Variants in ASAP1 observed in about 807,000 individuals in gnomAD.
The protein encoded by ASAP1 is ArfGAP with SH3 domain, ankyrin repeat and PH domain 1, also known as arf-GAP with SH3 domain, ANK repeat and PH domain-containing protein 1.
In ASAP1, 43 loss-of-function variants were observed where a neutral mutation model predicts 145.2. The ratio of observed to expected loss-of-function variants is 0.30; its 90% CI spans 0.23 to 0.38. The LOEUF is 0.38. Ranked by LOEUF, ASAP1 falls within the 10% of genes least tolerant of loss-of-function variation. The pLI is 1.00. For synonymous variants in ASAP1, 546 were observed against 515.5 expected (o/e 1.06, Z -0.80); for missense variants, 1,018 against 1,355.3 (o/e 0.75, Z 3.91).
intron 25 of ASAP1, chr8:130,083,186 G>A (rs1043517477): frequency 6.6e-6 from 1 of 152,118 alleles, no homozygotes; most frequent in Non-Finnish European, 1.5e-5. Flanking sequence ...ATACCCACAG[G>A]CCCAAATGTC....
intron 3 of ASAP1, among the ~76,000 whole-genome samples, chr8:130,320,100 A>C (rs1364040810): frequency 6.6e-6 from 1 of 152,198 alleles, no homozygotes; most frequent in African/African-American, 2.4e-5. Flanking sequence ...ATTACTTACA[A>C]TGTTCTTTAA....
At chr8:130,215,970 A>G (rs893701168) in intron 4 of ASAP1, among the ~76,000 whole-genome samples, 1 of 121,568 alleles carries the variant, frequency 8.2e-6, no homozygotes, top group African/African-American at 3.6e-5. Context: ...AGAAAAAGAA[A>G]AAGAAAAAGG....
At chr8:130,061,442 A>G (rs1043831638) in intron 27 of ASAP1, among the ~76,000 whole-genome samples, 5 of 152,208 alleles carry the variant, frequency 3.3e-5, no homozygotes, top group Non-Finnish European at 7.3e-5. Context: ...TATATTTTCT[A>G]TAGATATAAC....
intron 3 of ASAP1, among the ~76,000 whole-genome samples, chr8:130,353,372 T>A (rs1333436474): frequency 6.6e-6 from 1 of 152,208 alleles, no homozygotes; most frequent in Non-Finnish European, 1.5e-5. Context: ...GAAAAAATAG[T>A]ATATTTAAGT....
intron 12 of ASAP1, among the ~76,000 whole-genome samples, chr8:130,156,565 C>T (rs878936725): frequency 1.9e-4 from 29 of 152,156 alleles, no homozygotes; most frequent in Admixed American, 1.7e-3. Flanking sequence ...AACAAAAGAA[C>T]GAAGAAGTCA....
At chr8:130,301,753 A>T (rs1822680803) in intron 3 of ASAP1, among the ~76,000 whole-genome samples, 1 of 152,222 alleles carries the variant, frequency 6.6e-6, no homozygotes, top group Non-Finnish European at 1.5e-5. Flanking sequence ...GCTGTTTTCC[A>T]GTTAATACAA....
At chr8:130,219,903 A>G (rs1255580147) in intron 4 of ASAP1, among the ~76,000 whole-genome samples, 1 of 152,064 alleles carries the variant, frequency 6.6e-6, no homozygotes, top group Non-Finnish European at 1.5e-5. Context: ...AATCCTCCCA[A>G]CTCAGCCTCT....
intron 11 of ASAP1, chr8:130,160,189 T>C (rs755955257): frequency 5.8e-6 from 3 of 514,398 alleles, no homozygotes; most frequent in African/African-American, 1.9e-5. Context: ...GGGTCTCTGA[T>C]TTCTAGTTCA....
At chr8:130,376,768 T>C (rs1208948947) in intron 2 of ASAP1, among the ~76,000 whole-genome samples, 1 of 151,572 alleles carries the variant, frequency 6.6e-6, no homozygotes, top group African/African-American at 2.4e-5. Context: ...CTGGGTGTGG[T>C]GGCAGGCGCT....
At chr8:130,320,411 C>T (rs1256003916) in intron 3 of ASAP1, among the ~76,000 whole-genome samples, 1 of 152,024 alleles carries the variant, frequency 6.6e-6, no homozygotes, top group African/African-American at 2.4e-5. Flanking sequence ...CAAAAATTAG[C>T]TGGTGTGGTG....
At chr8:130,093,366 G>A (rs993422118) in intron 24 of ASAP1, among the ~76,000 whole-genome samples, 19 of 151,882 alleles carry the variant, frequency 1.3e-4, no homozygotes, top group Non-Finnish European at 4.4e-5. Flanking sequence ...TTCTGTAAAC[G>A]TTAAGAAAAA....
At chr8:130,346,931 C>T (rs889012612) in intron 3 of ASAP1, among the ~76,000 whole-genome samples, 1 of 152,108 alleles carries the variant, frequency 6.6e-6, no homozygotes, top group African/African-American at 2.4e-5. Context: ...ATGATTAATG[C>T]AACATAAAGG....
intron 3 of ASAP1, among the ~76,000 whole-genome samples, chr8:130,282,141 A>G (rs1229651568): frequency 6.6e-6 from 1 of 151,992 alleles, no homozygotes; most frequent in East Asian, 1.9e-4. Context: ...TATATGTTCT[A>G]CATTTTGCAG....
chr8:130,157,057 G>GT (rs1215535282), intron 12 of ASAP1, among the ~76,000 whole-genome samples: 1 of 152,130 alleles, frequency 6.6e-6, no homozygotes, highest in Non-Finnish European at 1.5e-5. Context: ...TTAACTTTTC[G>GT]TTTGATGACA....
chr8:130,080,901 G>T (rs1370735222), intron 25 of ASAP1, among the ~76,000 whole-genome samples: 1 of 152,130 alleles, frequency 6.6e-6, no homozygotes, highest in African/African-American at 2.4e-5. Flanking sequence ...CCAAAGTGCT[G>T]GGATTACAGG....
chr8:130,286,000 A>G (rs1467768921), intron 3 of ASAP1, among the ~76,000 whole-genome samples: 1 of 152,224 alleles, frequency 6.6e-6, no homozygotes, highest in Non-Finnish European at 1.5e-5. Flanking sequence ...TATATCTATT[A>G]TTTTTAGCCA....
At chr8:130,196,922 T>C (rs982151827) in intron 5 of ASAP1, among the ~76,000 whole-genome samples, 1 of 152,204 alleles carries the variant, frequency 6.6e-6, no homozygotes, top group African/African-American at 2.4e-5. Flanking sequence ...CCTCCTGAAG[T>C]GGCAGGTCAA....
At chr8:130,311,059 CA>C in intron 3 of ASAP1, among the ~76,000 whole-genome samples, 1 of 152,262 alleles carries the variant, frequency 6.6e-6, no homozygotes, top group Non-Finnish European at 1.5e-5. Context: ...GGAGGACAGC[CA>C]TTCTATGAGA....
At chr8:130,144,726 T>C (rs2097623052) in intron 13 of ASAP1, among the ~76,000 whole-genome samples, 1 of 152,180 alleles carries the variant, frequency 6.6e-6, no homozygotes, top group South Asian at 2.1e-4. Context: ...AGATAAGTAG[T>C]GATTATCTAA....
Sources: gnomAD v4.1 joint callset for allele counts (sites outside exome capture counted in the v4.1 genomes callset) on GRCh38, gnomAD v4.1.1 for gene constraint, MANE v1.5 for transcripts, NCBI Gene and HGNC (gene_info 2026-07-23, HGNC 2026-07-21) for gene names.